The following DOCK3 variants were observed in gnomAD, a reference collection of about 807,000 sequenced individuals.
DOCK3 encodes the protein dedicator of cytokinesis protein 3.
DOCK3 carries 60 observed loss-of-function variants against 265.6 expected under a neutral mutation model. The observed-to-expected ratio is 0.23, with a 90% CI of 0.18 to 0.28. DOCK3 has a LOEUF of 0.28. Among genes scored for constraint, DOCK3 ranks in the 10% least tolerant of loss-of-function variants. DOCK3 has a pLI of 1.00. For missense variants in DOCK3, 1,981 were observed against 2,594.3 expected, an observed-to-expected ratio of 0.76 and a Z score of 5.14; for synonymous variants, 881 against 938.0, an observed-to-expected ratio of 0.94 and a Z score of 1.11.
chr3:50,680,512 CTTTTTTTT>C (rs3066820), intron 1 of DOCK3, among the ~76,000 whole-genome samples: 2 of 72,944 alleles, frequency 2.7e-5, no homozygotes, highest in Non-Finnish European at 5.1e-5. Flanking sequence ...CCGTGCCCTG[CTTTTTTTT>C]TTTTTTTTTT....
At chr3:50,862,098 C>A (rs908064988) in intron 3 of DOCK3, among the ~76,000 whole-genome samples, 1 of 152,080 alleles carries the variant, frequency 6.6e-6, no homozygotes, top group African/African-American at 2.4e-5. Context: ...TTGAGCATTT[C>A]TTGCGAGATT....
Position 51,312,034 on chromosome 3 carries a change from C to G in DOCK3, c.3048C>G (p.Ser1016=), listed in dbSNP as rs1336443164. 6.2e-7 allele frequency: 1 copy of G among 1,606,610 alleles called. No individual in the cohort carries two copies. Among genetic ancestry groups the G allele is most frequent in the Non-Finnish European group, 8.5e-7 (1 of 1,176,390 alleles). The change falls in exon 29 of 53, where the codon TCC becomes TCG. Residue 1016 remains serine (S), a synonymous_variant. Coordinates refer to ENST00000266037, the MANE Select transcript of DOCK3 (RefSeq NM_004947.5). ...TAGTCACTACTGTCCAGTACCTGTC[C>G]TCTGCACTGCACAAGAATTTCACAG... ...NIIVTTVQYL[S]SALHKNFTET... is the part of the protein sequence containing the mutation.
chr3:51,170,200 A>C (rs1327544399), intron 12 of DOCK3, among the ~76,000 whole-genome samples: 2 of 152,228 alleles, frequency 1.3e-5, no homozygotes, highest in Non-Finnish European at 2.9e-5. Context: ...ATTTTAGATA[A>C]GGGTTACTCA....
chr3:51,080,979 G>A (rs1370998916), intron 7 of DOCK3, among the ~76,000 whole-genome samples: 1 of 150,636 alleles, frequency 6.6e-6, no homozygotes, highest in Non-Finnish European at 1.5e-5. Context: ...TCTATATGAT[G>A]TTTTGCCCAG....
intron 10 of DOCK3, among the ~76,000 whole-genome samples, chr3:51,148,942 C>A (rs1039044773): frequency 6.6e-6 from 1 of 152,198 alleles, no homozygotes; most frequent in African/African-American, 2.4e-5. Context: ...GCAATACGGC[C>A]ATTTTCACGA....
At chr3:51,260,095 C>T in intron 22 of DOCK3, 61 bp from the exon 23 acceptor site, 1 of 1,534,746 alleles carries the variant, frequency 6.5e-7, no homozygotes, top group Non-Finnish European at 8.8e-7. Context: ...TTGTTTCCTG[C>T]TATGTGAGTT....
intron 13 of DOCK3, 115 bp downstream of exon 13, chr3:51,208,977 C>T: frequency 1.2e-6 from 1 of 846,648 alleles, no homozygotes; most frequent in Non-Finnish European, 1.8e-6. Context: ...TATTTATTCT[C>T]CTGCCGAGGC....
chr3:50,805,391 C>T (rs1217299019), intron 2 of DOCK3, among the ~76,000 whole-genome samples: 1 of 152,106 alleles, frequency 6.6e-6, no homozygotes, highest in Non-Finnish European at 1.5e-5. Flanking sequence ...AGTAGATCAG[C>T]CAACTTGGGG....
chr3:50,801,106 T>G (rs939121617), intron 2 of DOCK3, among the ~76,000 whole-genome samples: 4 of 152,172 alleles, frequency 2.6e-5, no homozygotes, highest in African/African-American at 9.7e-5. Flanking sequence ...TTTTCTGTTT[T>G]TTTTCTTCTC....
At chr3:50,697,888 G>A (rs775996814) in intron 1 of DOCK3, among the ~76,000 whole-genome samples, 1 of 152,078 alleles carries the variant, frequency 6.6e-6, no homozygotes, top group African/African-American at 2.4e-5. Flanking sequence ...CCTAAAGTCT[G>A]TGCTATTTTA....
chr3:50,828,546 A>C (rs1475110313), intron 2 of DOCK3, among the ~76,000 whole-genome samples: 1 of 151,924 alleles, frequency 6.6e-6, no homozygotes, highest in Admixed American at 6.6e-5. Flanking sequence ...CTGGGATTAC[A>C]GGTACCCACC....
Position 50,847,882 on chromosome 3 carries a change from C to CCAAAA in DOCK3, c.162+6167_162+6168insCAAAA, listed in dbSNP as rs750548673. Among the ~76,000 whole-genome samples, 3 of 97,612 alleles carry CCAAAA rather than the reference C, an allele frequency of 3.1e-5. No individual in the cohort carries two copies. In the East Asian group the frequency reaches 1.1e-3, roughly 35 times the overall value. 64.0% of individuals were successfully genotyped at this position (97,612 alleles called of 152,430 possible). A position where few individuals can be genotyped will look rare whatever the true frequency, so the allele number is the denominator to read the frequency against. On this transcript the variant is annotated intron_variant, in intron 3 of 52. Transcript: ENST00000266037. ...TGGGTGACAGAACGAGGCTCCATTT[C>CCAAAA]AAAAAAAAAAAAAAAAAAAAATCCC...
intron 23 of DOCK3, among the ~76,000 whole-genome samples, chr3:51,267,361 T>C (rs1365019895): frequency 4.0e-5 from 6 of 151,416 alleles, no homozygotes; most frequent in Non-Finnish European, 8.8e-5. Flanking sequence ...TAAAGACACA[T>C]GCGCACGTAT....
intron 2 of DOCK3, among the ~76,000 whole-genome samples, chr3:50,805,434 T>TC (rs2043352431): frequency 6.6e-6 from 1 of 152,188 alleles, no homozygotes; most frequent in Non-Finnish European, 1.5e-5. Context: ...CATGAGCCAT[T>TC]CCTCTGGCTT....
intron 10 of DOCK3, among the ~76,000 whole-genome samples, chr3:51,158,415 G>A (rs895272034): frequency 6.6e-6 from 1 of 152,092 alleles, no homozygotes; most frequent in Non-Finnish European, 1.5e-5. Context: ...GCATGATGGT[G>A]CACACCTGTA....
At chr3:50,962,762 A>G (rs2076924250) in intron 5 of DOCK3, among the ~76,000 whole-genome samples, 1 of 152,186 alleles carries the variant, frequency 6.6e-6, no homozygotes, top group Non-Finnish European at 1.5e-5. Context: ...CATCTCTTCT[A>G]GGTTCTACCT....
At chr3:51,353,564 A>C (rs189992221) in intron 40 of DOCK3, among the ~76,000 whole-genome samples, 317 of 152,266 alleles carry the variant, frequency 2.1e-3, no homozygotes, top group Non-Finnish European at 3.6e-3. Flanking sequence ...GTGAGCCCAG[A>C]TTGCACCACT....
At chr3:50,743,544 C>G (rs1356992089) in intron 1 of DOCK3, among the ~76,000 whole-genome samples, 1 of 149,958 alleles carries the variant, frequency 6.7e-6, no homozygotes, top group Non-Finnish European at 1.5e-5. Context: ...GGTTGCAATC[C>G]TAGTCTCTGA....
At chr3:50,783,644 G>A (rs1378586479) in intron 2 of DOCK3, among the ~76,000 whole-genome samples, 2 of 152,066 alleles carry the variant, frequency 1.3e-5, no homozygotes, top group Non-Finnish European at 2.9e-5. Context: ...CTCCCACTTT[G>A]TGGATTATCT....
Sources: gnomAD v4.1 joint callset for allele counts (sites outside exome capture counted in the v4.1 genomes callset) on GRCh38, gnomAD v4.1.1 for gene constraint, MANE v1.5 for transcripts, NCBI Gene and HGNC (gene_info 2026-07-23, HGNC 2026-07-21) for gene names.